Variants in FSTL5 observed in about 807,000 individuals in gnomAD.
The protein encoded by FSTL5 is follistatin-related protein 5.
In FSTL5, 62 loss-of-function variants were observed where a neutral mutation model predicts 89.1. The ratio of observed to expected loss-of-function variants is 0.70; its 90% CI spans 0.57 to 0.86. The LOEUF (loss-of-function observed/expected upper bound fraction) is 0.86. Among genes scored for constraint, FSTL5 ranks in the 40% least tolerant of loss-of-function variants. The probability of loss-of-function intolerance (pLI) is 0.00; values close to 1 mark genes in which losing one functional copy is unlikely to be tolerated. For missense variants in FSTL5, 1,057 were observed against 1,001.6 expected, an observed-to-expected ratio of 1.06 and a Z score of -0.75; for synonymous variants, 383 against 346.2, an observed-to-expected ratio of 1.11 and a Z score of -1.18.
intron 6 of FSTL5, among the ~76,000 whole-genome samples, chr4:161,750,688 T>A (rs1415172912): frequency 6.6e-6 from 1 of 152,134 alleles, no homozygotes; most frequent in Non-Finnish European, 1.5e-5. Flanking sequence ...CATTAAAAGA[T>A]GATATTCATT....
chr4:161,595,505 G>T (rs1293746910), intron 7 of FSTL5, among the ~76,000 whole-genome samples: 1 of 152,070 alleles, frequency 6.6e-6, no homozygotes, highest in Non-Finnish European at 1.5e-5. Flanking sequence ...TTGTTGAGTT[G>T]ATTGCTTATA....
intron 3 of FSTL5, among the ~76,000 whole-genome samples, chr4:161,995,061 A>T (rs114932947): frequency 0.065 from 9,836 of 152,092 alleles, 379 homozygotes; most frequent in Middle Eastern, 0.16. Flanking sequence ...TGATTTTTGC[A>T]TATGGTGTAA....
chr4:161,581,451 G>A (rs1733437177), intron 8 of FSTL5, among the ~76,000 whole-genome samples: 2 of 152,138 alleles, frequency 1.3e-5, no homozygotes, highest in East Asian at 3.9e-4. Context: ...CTGCAGTCTG[G>A]CCAAGTTTAG....
chr4:161,732,389 A>G (rs1278458856), intron 6 of FSTL5, among the ~76,000 whole-genome samples: 2 of 151,970 alleles, frequency 1.3e-5, no homozygotes, highest in Non-Finnish European at 2.9e-5. Flanking sequence ...ATTCTTTTTT[A>G]AATGAAGTAT....
At chr4:162,082,486 C>T (rs917638847) in intron 2 of FSTL5, among the ~76,000 whole-genome samples, 4 of 149,712 alleles carry the variant, frequency 2.7e-5, no homozygotes, top group African/African-American at 9.8e-5. Flanking sequence ...GTTCCTTATT[C>T]CTGATTTTGA....
intron 8 of FSTL5, 89 bp downstream of exon 8, chr4:161,587,366 C>T (rs1733651588): frequency 7.3e-6 from 9 of 1,237,900 alleles, no homozygotes; most frequent in African/African-American, 1.5e-5. Context: ...TTATTAGTAC[C>T]TTGTAAAAAC....
chr4:161,609,468 T>C (rs13133022), intron 7 of FSTL5, among the ~76,000 whole-genome samples: 22 of 152,126 alleles, frequency 1.4e-4, no homozygotes, highest in Non-Finnish European at 2.9e-4. Context: ...CCAACAAATA[T>C]CCATAAACAC....
intron 3 of FSTL5, among the ~76,000 whole-genome samples, chr4:162,032,379 G>C (rs1021689963): frequency 2.0e-5 from 3 of 152,006 alleles, no homozygotes; most frequent in Admixed American, 1.3e-4. Flanking sequence ...TATAAAACTT[G>C]GAGTTAATAT....
intron 4 of FSTL5, among the ~76,000 whole-genome samples, chr4:161,836,997 T>C (rs1223517331): frequency 6.6e-6 from 1 of 152,090 alleles, no homozygotes; most frequent in Non-Finnish European, 1.5e-5. Flanking sequence ...CTATGTGCCA[T>C]CCAATTGAAG....
chr4:161,937,164 C>T (rs1275098265), intron 3 of FSTL5, among the ~76,000 whole-genome samples: 4 of 151,872 alleles, frequency 2.6e-5, no homozygotes, highest in Non-Finnish European at 5.9e-5. Context: ...CATAACAAAA[C>T]CTGTAATTTA....
intron 4 of FSTL5, among the ~76,000 whole-genome samples, chr4:161,846,080 T>C (rs992350859): frequency 7.3e-5 from 11 of 151,658 alleles, no homozygotes; most frequent in Non-Finnish European, 1.5e-4. Context: ...ATTGTGTGTG[T>C]ATTTGTGTGT....
chr4:161,990,283 T>C (rs554885068), intron 3 of FSTL5, among the ~76,000 whole-genome samples: 5 of 152,222 alleles, frequency 3.3e-5, no homozygotes, highest in Admixed American at 3.3e-4. Flanking sequence ...AAAAATATAA[T>C]AGACTCTAAC....
At chr4:162,057,769 C>G (rs1030512149) in intron 2 of FSTL5, among the ~76,000 whole-genome samples, 7 of 151,932 alleles carry the variant, frequency 4.6e-5, no homozygotes, top group African/African-American at 1.7e-4. Flanking sequence ...CATGGTGAAA[C>G]CCCATCTCTA....
At chr4:161,836,259 A>T (rs943273844) in intron 4 of FSTL5, among the ~76,000 whole-genome samples, 1 of 142,710 alleles carries the variant, frequency 7.0e-6, no homozygotes, top group African/African-American at 2.6e-5. Flanking sequence ...AACAATGAGA[A>T]CAGATGGACA....
chr4:161,463,089 C>T (rs1420062673), intron 13 of FSTL5, among the ~76,000 whole-genome samples: 1 of 151,932 alleles, frequency 6.6e-6, no homozygotes, highest in Non-Finnish European at 1.5e-5. Context: ...AAATATTTTA[C>T]AGGAAGTGTC....
In FSTL5 at chr4:161,556,844, G is replaced by GTATATATATATATA. The variant is rs962466232; in HGVS notation, c.1016-14152_1016-14151insTATATATATATATA. ...TATATATATATGTGTGTGTGTGTGT[G>GTATATATATATATA]TGTATATATATATATATAATCCTGG... On this transcript the variant is annotated intron_variant, in intron 8 of 15. Transcript: ENST00000306100. Among the ~76,000 whole-genome samples the GTATATATATATATA allele has an allele frequency of 5.5e-5, 8 of 144,894 alleles. 1 individual carries two copies. The highest frequency in any genetic ancestry group is 1.4e-4 in the Admixed American group (2 of 14,356).
chr4:161,770,011 T>A (rs190934393), intron 5 of FSTL5, among the ~76,000 whole-genome samples: 2 of 151,966 alleles, frequency 1.3e-5, no homozygotes, highest in East Asian at 3.9e-4. Context: ...CCTGTATACA[T>A]GATGGAGTAG....
At chr4:161,834,556 T>C (rs987573245) in intron 4 of FSTL5, among the ~76,000 whole-genome samples, 10 of 152,306 alleles carry the variant, frequency 6.6e-5, no homozygotes, top group African/African-American at 2.2e-4. Flanking sequence ...GAAAACCCCA[T>C]TGTCTTAGCC....
chr4:161,708,159 T>C (rs1403893141), intron 6 of FSTL5, among the ~76,000 whole-genome samples: 2 of 152,016 alleles, frequency 1.3e-5, no homozygotes, highest in African/African-American at 4.8e-5. Flanking sequence ...AAATAAAACA[T>C]TGTAAATCTT....
Sources: allele counts gnomAD v4.1 joint callset (sites outside exome capture counted in the v4.1 genomes callset), GRCh38; gene constraint gnomAD v4.1.1; transcripts MANE v1.5; gene names NCBI Gene and HGNC (gene_info 2026-07-23, HGNC 2026-07-21).